C2orf42: variants seen among roughly 807,000 people sequenced by gnomAD.
The protein encoded by C2orf42 is chromosome 2 open reading frame 42, also known as uncharacterized protein C2orf42.
In C2orf42, 44 loss-of-function variants were observed where a neutral mutation model predicts 58.9. The ratio of observed to expected loss-of-function variants is 0.75; its 90% confidence interval spans 0.59 to 0.96. The LOEUF (loss-of-function observed/expected upper bound fraction) is 0.96, where lower values mean the gene tolerates loss of function less well. Ranked by LOEUF, C2orf42 falls within the 40% of genes least tolerant of loss-of-function variation. C2orf42 has a pLI of 0.00. For missense variants in C2orf42, 630 were observed against 699.2 expected (o/e 0.90, Z 1.12); for synonymous variants, 239 against 265.4 (o/e 0.90, Z 0.97).
At position 70,181,350 on chromosome 2, in the gene C2orf42, G is replaced by A; in HGVS notation, c.636C>T (p.Val212=). 5.0e-6 allele frequency: 8 copies of A among 1,614,086 alleles called. No individual in the cohort carries two copies. Among genetic ancestry groups the A allele is most frequent in the Non-Finnish European group, 5.9e-6 (7 of 1,179,980 alleles). The change falls in exon 3 of 10, where the codon GTC becomes GTT. Residue 212 remains valine (V), a synonymous_variant. Transcript: ENST00000264434. ...GGCGCTCAGGCAAGCTTTTGCCACTGACTTTCTGCACAAAAGATGTATGCA... is the reference window on the plus strand; with the variant it reads ...GGCGCTCAGGCAAGCTTTTGCCACTAACTTTCTGCACAAAAGATGTATGCA... ...GYLHTSFVQK[V]SGKSLPERRF...
In C2orf42 at chr2:70,181,758, T is replaced by C; in HGVS notation, c.228A>G (p.Ser76=). The C allele has an allele frequency of 1.2e-6, 2 of 1,614,174 alleles. No homozygotes were observed. The highest frequency in any genetic ancestry group is 1.7e-6 in the Non-Finnish European group (2 of 1,180,020). ...CAGGGCCCCGGTCTCTTTGCCGCAC[T>C]GAGTAGACCTGAAGATCAGAGCCTG... ...IITGSDLQVY[S]VRQRDRGPDY... Residue 76 remains serine (S), a synonymous_variant, in exon 3 of 10, where the codon TCA becomes TCG. Transcript: ENST00000264434.
At chr2:70,159,717 A>G (rs1672935400) in intron 9 of C2orf42, among the ~76,000 whole-genome samples, 1 of 152,164 alleles carries the variant, frequency 6.6e-6, no homozygotes. Flanking sequence ...TTCTTCTTTT[A>G]GTAAAGTGGG....
rs138062525 is a variant in C2orf42, at chr2:70,160,689, G to C, written c.1452C>G (p.Thr484=). Reference sequence around the variant, plus strand: ...CTGGTTGTTTTTCTATACGACCGTAGGTTTCTGCTATGCTTTCTACTTCCA... The same window carrying C: ...CTGGTTGTTTTTCTATACGACCGTACGTTTCTGCTATGCTTTCTACTTCCA... The part of the protein sequence containing the change: ...PKVEVESIAE[T]YGRIEKQPVL... Residue 484 remains threonine, a synonymous_variant, in exon 9 of 10, where the codon ACC becomes ACG. Transcript: ENST00000264434. The C allele has an allele frequency of 2.6e-4, 426 of 1,613,404 alleles. No individual in the cohort carries two copies. The African/African-American group carries it at 4.9e-3, about 18-fold the overall frequency.
intron 6 of C2orf42, among the ~76,000 whole-genome samples, 159 bp downstream of exon 6, chr2:70,169,398 G>GTGAT (rs1673641025): frequency 6.6e-6 from 1 of 152,042 alleles, no homozygotes; most frequent in African/African-American, 2.4e-5. Context: ...TTTTAACTAT[G>GTGAT]TGATTGTTTT....
chr2:70,161,459 C>T (rs1673043957), intron 8 of C2orf42, among the ~76,000 whole-genome samples: 1 of 152,202 alleles, frequency 6.6e-6, no homozygotes, highest in South Asian at 2.1e-4. Flanking sequence ...AAAACTGCCT[C>T]TGTGCCATGT....
chr2:70,170,226 TA>T (rs1174766534), intron 5 of C2orf42, among the ~76,000 whole-genome samples: 2 of 146,624 alleles, frequency 1.4e-5, no homozygotes, highest in East Asian at 4.0e-4. Context: ...AGAAAGCAAA[TA>T]AACTAAGTGA....
intron 8 of C2orf42, 105 bp downstream of exon 8, chr2:70,164,987 A>G: frequency 1.9e-6 from 1 of 532,638 alleles, no homozygotes; most frequent in Non-Finnish European, 3.4e-6. Context: ...AAAAAAAGAA[A>G]CTCTGGTGTC....
chr2:70,178,181 T>C (rs1674316595), intron 4 of C2orf42, among the ~76,000 whole-genome samples: 2 of 152,348 alleles, frequency 1.3e-5, no homozygotes, highest in South Asian at 4.1e-4. Context: ...GGTCCATGGG[T>C]GTGGACCAAG....
At chr2:70,180,608 A>AC (rs1674492441) in intron 3 of C2orf42, among the ~76,000 whole-genome samples, 1 of 44,554 alleles carries the variant, frequency 2.2e-5, no homozygotes, top group African/African-American at 2.3e-4. Context: ...ATTCTGTCTC[A>AC]AAAAAAAAAA....
At chr2:70,171,542 G>C (rs1425958671) in intron 5 of C2orf42, among the ~76,000 whole-genome samples, 3 of 151,866 alleles carry the variant, frequency 2.0e-5, no homozygotes, top group Admixed American at 2.0e-4. Flanking sequence ...ACCGAGTCTT[G>C]CTCTGTTGCC....
chr2:70,153,057 A>G (rs539523261), intron 9 of C2orf42, among the ~76,000 whole-genome samples: 189 of 151,898 alleles, frequency 1.2e-3, no homozygotes, highest in African/African-American at 4.4e-3. Context: ...AGTGAATAGC[A>G]GTGGCAGAGT....
intron 1 of C2orf42, among the ~76,000 whole-genome samples, chr2:70,188,525 A>G (rs1005985760): frequency 1.3e-5 from 2 of 152,152 alleles, no homozygotes; most frequent in Non-Finnish European, 2.9e-5. Context: ...AATCTTTTAG[A>G]CTAATTTTAG....
chr2:70,184,131 C>T (rs114512831), intron 1 of C2orf42, among the ~76,000 whole-genome samples: 4,310 of 152,038 alleles, frequency 0.028, 174 homozygotes, highest in African/African-American at 0.097. Context: ...AAATTACAGT[C>T]GGGGACTAGT....
chr2:70,169,206 G>A (rs1313816805), intron 6 of C2orf42, among the ~76,000 whole-genome samples: 1 of 151,424 alleles, frequency 6.6e-6, no homozygotes, highest in Non-Finnish European at 1.5e-5. Context: ...CTTTAAGTTT[G>A]AGAGTTAGAA....
At chr2:70,150,738 A>C (rs1036735162) in intron 9 of C2orf42, among the ~76,000 whole-genome samples, 174 bp from the exon 10 acceptor site, 1 of 152,074 alleles carries the variant, frequency 6.6e-6, no homozygotes, top group African/African-American at 2.4e-5. Context: ...ATCATCATGA[A>C]GTTTTTGGGT....
At chr2:70,190,328 TTC>T (rs924169137) in intron 1 of C2orf42, 9 of 152,350 alleles carry the variant, frequency 5.9e-5, no homozygotes, top group African/African-American at 2.2e-4. Context: ...GTTTGGTGGA[TTC>T]TGTTTCATGC....
At chr2:70,153,248 A>G (rs1672420241) in intron 9 of C2orf42, among the ~76,000 whole-genome samples, 1 of 152,098 alleles carries the variant, frequency 6.6e-6, no homozygotes, top group South Asian at 2.1e-4. Context: ...AAAGAGAAAC[A>G]TTAGATCTGA....
chr2:70,152,893 C>T (rs1168119801), intron 9 of C2orf42, among the ~76,000 whole-genome samples: 2 of 152,062 alleles, frequency 1.3e-5, no homozygotes, highest in African/African-American at 4.8e-5. Flanking sequence ...ATTAGCCAGG[C>T]GTGGTGGCAC....
intron 8 of C2orf42, among the ~76,000 whole-genome samples, chr2:70,161,049 TC>T (rs1220474033): frequency 2.6e-5 from 4 of 152,162 alleles, no homozygotes; most frequent in Admixed American, 2.6e-4. Context: ...TCTAACATCT[TC>T]ATGGGTACAT....
Sources: allele counts gnomAD v4.1 joint callset (sites outside exome capture counted in the v4.1 genomes callset), GRCh38; gene constraint gnomAD v4.1.1; transcripts MANE v1.5; gene names NCBI Gene and HGNC (gene_info 2026-07-23, HGNC 2026-07-21).